The following CCDC85C variants were observed in gnomAD, a reference collection of about 807,000 sequenced individuals.
CCDC85C encodes the protein coiled-coil domain containing 85C, also known as coiled-coil domain-containing protein 85C.
CCDC85C carries 18 observed loss-of-function variants against 38.3 expected under a neutral mutation model. The ratio of observed to expected loss-of-function variants is 0.47; its 90% CI spans 0.33 to 0.70. The LOEUF is 0.70. Ranked by LOEUF, CCDC85C falls within the 30% of genes least tolerant of loss-of-function variation. The pLI, the probability that CCDC85C is intolerant of heterozygous loss-of-function variation, is 0.03. For missense variants in CCDC85C, 566 were observed against 621.2 expected (o/e 0.91, Z 0.94); for synonymous variants, 264 against 293.8 (o/e 0.90, Z 1.04).
At chr14:99,600,889 G>A (rs1281462916) in intron 1 of CCDC85C, among the ~76,000 whole-genome samples, 1 of 152,214 alleles carries the variant, frequency 6.6e-6, no homozygotes, top group Non-Finnish European at 1.5e-5. Flanking sequence ...ACCAGGTGAG[G>A]TGGCTCATGG....
intron 1 of CCDC85C, among the ~76,000 whole-genome samples, chr14:99,555,429 A>G (rs1012863711): frequency 2.0e-5 from 3 of 152,222 alleles, no homozygotes; most frequent in African/African-American, 4.8e-5. Context: ...CCTGCCCCAC[A>G]GCTGTCCTAT....
rs955482088 is a variant in CCDC85C at position 99,503,171 on chromosome 14, C to T, written c.*12075G>A. On this transcript the variant is annotated 3_prime_UTR_variant, in exon 6 of 6. Transcript: ENST00000380243. The stretch of plus-strand genomic sequence containing the variant: ...AAGGTGCTCCAAGGACAGGCTGCCT[C>T]TGAGAACCAGGAGGGGGCTCTCTGC... 5.4e-6 allele frequency: 4 copies of T among 741,876 alleles called. No homozygotes were observed. The African/African-American group carries it at 6.9e-5, about 13-fold the overall frequency. 46.0% of individuals were successfully genotyped at this position (741,876 alleles called of 1,614,324 possible).
In CCDC85C at chr14:99,603,788, G is replaced by A; in HGVS notation, c.172C>T (p.Arg58Trp). The A allele has an allele frequency of 1.3e-6, 2 of 1,525,922 alleles. No homozygotes were observed. The highest frequency in any genetic ancestry group is 1.7e-4 in the Middle Eastern group (1 of 5,830). 94.5% of individuals were successfully genotyped at this position (1,525,922 alleles called of 1,614,324 possible). Residue 58 changes from arginine to tryptophan, a missense_variant, in exon 1 of 6, where the codon CGG (arginine) becomes TGG (tryptophan). Arg to Trp is a moderately radical substitution (Grantham distance 101). Coordinates refer to ENST00000380243, the MANE Select transcript of CCDC85C (RefSeq NM_001144995.2). This position sits in a 1 kb window ranked among gnomAD's most constrained non-coding sequence, Gnocchi z 7.5. Reference protein sequence around the residue: ...EHGGLMRDVNRRLQQHLLEIR... With the variant: ...EHGGLMRDVNWRLQQHLLEIR... The stretch of plus-strand genomic sequence containing the variant: ...TCCAGCAGGTGCTGCTGCAGCCGCC[G>A]GTTCACGTCGCGCATCAGGCCGCCG...
At position 99,572,786 on chromosome 14, in the gene CCDC85C, T is replaced by C. The variant is rs1433485986; in HGVS notation, c.793+30381A>G. On this transcript the variant is annotated intron_variant, in intron 1 of 5. Transcript: ENST00000380243. This position sits in a 1 kb window ranked among gnomAD's most constrained non-coding sequence, Gnocchi z 4.4. ...TTATCCATCTTCCAAAGGAGACTTCTGTCTGTCTTGCTTCATGGAAGTATC... is the reference window on the plus strand; with the variant it reads ...TTATCCATCTTCCAAAGGAGACTTCCGTCTGTCTTGCTTCATGGAAGTATC... The C allele has an allele frequency of 6.6e-6, 3 of 456,030 alleles. No individual in the cohort carries two copies. Among genetic ancestry groups the C allele is most frequent in the Non-Finnish European group, 1.3e-5 (3 of 226,818 alleles). The allele number at this position is 456,030 out of a possible 1,614,324, so 28.2% of individuals were successfully genotyped here.
chr14:99,522,227 C>G lies in CCDC85C; in HGVS notation c.881G>C (p.Gly294Ala). ...DKLLAQQAGSGEFRTLRKGFS... is the reference protein window; with the variant it reads ...DKLLAQQAGSAEFRTLRKGFS... ...GCCTTTCCGCAGCGTGCGGAACTCT[C>G]CGGAGCCTGCCTGCTGCAGGGGAGA... The change falls in exon 3 of 6, where the codon GGA (glycine) becomes GCA (alanine). Residue 294 changes from glycine (G) to alanine (A), a missense_variant. This residue lies in a region of CCDC85C where 286 missense variants were observed against 276.4 expected (regional missense o/e 1.03). Coordinates refer to ENST00000380243, the MANE Select transcript of CCDC85C (RefSeq NM_001144995.2). 6.5e-7 allele frequency: 1 copy of G among 1,548,838 alleles called. No homozygotes were observed. The highest frequency in any genetic ancestry group is 8.7e-7 in the Non-Finnish European group (1 of 1,146,548).
At position 99,572,891 on chromosome 14, in the gene CCDC85C, G is replaced by A. The variant is rs1400813898; in HGVS notation, c.793+30276C>T. ...GGAAGGAATGTCTGCCCAAGTCCCA[G>A]GCAGGGTGGGAGGCACGGACCTGAG... On this transcript the variant is annotated intron_variant, in intron 1 of 5. Coordinates refer to ENST00000380243, the MANE Select transcript of CCDC85C (RefSeq NM_001144995.2). The surrounding 1 kb of genome is among the most constrained non-coding windows in gnomAD (Gnocchi z 4.4). 2.2e-6 allele frequency: 1 copy of A among 451,354 alleles called. No homozygotes were observed. The highest frequency in any genetic ancestry group is 4.5e-6 in the Non-Finnish European group (1 of 223,778). 28.0% of individuals were successfully genotyped at this position (451,354 alleles called of 1,614,324 possible).
At chr14:99,540,991 T>A (rs1897701834) in intron 1 of CCDC85C, among the ~76,000 whole-genome samples, 2 of 152,078 alleles carry the variant, frequency 1.3e-5, no homozygotes, top group Non-Finnish European at 2.9e-5. Flanking sequence ...GTATTCCCCC[T>A]CCTGGCCTGG....
In CCDC85C at chr14:99,604,006, G is replaced by T. The variant is rs1243755029; in HGVS notation, c.-47C>A. 1.7e-6 allele frequency: 2 copies of T among 1,177,016 alleles called. No homozygotes were observed. The highest frequency in any genetic ancestry group is 9.4e-5 in the Admixed American group (2 of 21,238). 72.9% of individuals were successfully genotyped at this position (1,177,016 alleles called of 1,614,324 possible). A position where few individuals can be genotyped will look rare whatever the true frequency, so the allele number is the denominator to read the frequency against. On this transcript the variant is annotated 5_prime_UTR_variant, in exon 1 of 6. Transcript: ENST00000380243. ...TCGCCCTCGCCCTCGCCCGGCCGGC[G>T]CTTCCCCGCGCCGGGGCTCCGCTGG...
intron 1 of CCDC85C, among the ~76,000 whole-genome samples, chr14:99,599,765 C>T (rs1213702465): frequency 6.6e-6 from 1 of 152,102 alleles, no homozygotes; most frequent in East Asian, 1.9e-4. Flanking sequence ...TAGCACACAT[C>T]CCAGGAGGCC....
chr14:99,534,674 C>A (rs770175642), intron 2 of CCDC85C: 13 of 702,400 alleles, frequency 1.9e-5, no homozygotes, highest in South Asian at 1.6e-4. Context: ...CTTCCACACA[C>A]CCTCCTTAGC....
At position 99,500,965 on chromosome 14, in the gene CCDC85C, C is replaced by A; in HGVS notation, c.*14281G>T. 1 of 807,308 alleles carries A rather than the reference C, an allele frequency of 1.2e-6. No homozygotes were observed. The highest frequency in any genetic ancestry group is 2.0e-6 in the Non-Finnish European group (1 of 493,412). The allele number at this position is 807,308 out of a possible 1,614,324, so 50.0% of individuals were successfully genotyped here. On this transcript the variant is annotated 3_prime_UTR_variant, in exon 6 of 6. Transcript: ENST00000380243. ...AATTACGCTTCTCAAAAGCGGAAAA[C>A]AAAGTTTGATGTGTGAAATACCAAG...
rs1392594371 is a variant in CCDC85C at position 99,603,492 on chromosome 14, C to T, written c.468G>A (p.Ala156=). 1.5e-6 allele frequency: 2 copies of T among 1,311,740 alleles called. No homozygotes were observed. Among genetic ancestry groups the T allele is most frequent in the Middle Eastern group, 2.7e-4 (1 of 3,702 alleles). 81.3% of individuals were successfully genotyped at this position (1,311,740 alleles called of 1,614,324 possible). Residue 156 remains alanine (A), a synonymous_variant, in exon 1 of 6, where the codon GCG becomes GCA. Transcript: ENST00000380243. This position sits in a 1 kb window ranked among gnomAD's most constrained non-coding sequence, Gnocchi z 7.5. ...ELVLLLDEER[A]ALAATGAASG... ...TTGCGGCCCCCGTCGCCGCCAGTGC[C>T]GCGCGCTCCTCGTCCAGCAGCAGCA...
Position 99,503,191 on chromosome 14 carries a change from C to G in CCDC85C, c.*12055G>C. The G allele has an allele frequency of 7.1e-6, 5 of 707,492 alleles. No individual in the cohort carries two copies. Among genetic ancestry groups the G allele is most frequent in the Non-Finnish European group, 1.0e-5 (4 of 393,650 alleles). The allele number at this position is 707,492 out of a possible 1,614,324, so 43.8% of individuals were successfully genotyped here. On this transcript the variant is annotated 3_prime_UTR_variant, in exon 6 of 6. Transcript: ENST00000380243. ...TGCCTCTGAGAACCAGGAGGGGGCT[C>G]TCTGCCCGGCTCCAGCCCTGCTGCC...
rs1321147401 is a variant in CCDC85C at position 99,536,366 on chromosome 14, G to A, written c.794-278C>T. On this transcript the variant is annotated intron_variant, in intron 1 of 5. Coordinates refer to ENST00000380243, the MANE Select transcript of CCDC85C (RefSeq NM_001144995.2). The stretch of plus-strand genomic sequence containing the variant: ...GCTGCTGCCCTCGCTGTGGGCCTCT[G>A]AGCCCTTCTCAGGACCTTCAGGACC... Among the ~76,000 whole-genome samples, 3 of 152,216 alleles carry A rather than the reference G, an allele frequency of 2.0e-5. No homozygotes were observed. The East Asian group carries it at 5.8e-4, about 29-fold the overall frequency.
At position 99,603,841 on chromosome 14, in the gene CCDC85C, C is replaced by A. The variant is rs532161116; in HGVS notation, c.119G>T (p.Gly40Val). The A allele has an allele frequency of 2.6e-6, 4 of 1,518,692 alleles. No homozygotes were observed. The highest frequency in any genetic ancestry group is 8.8e-7 in the Non-Finnish European group (1 of 1,139,474). 94.1% of individuals were successfully genotyped at this position (1,518,692 alleles called of 1,614,324 possible). The change falls in exon 1 of 6, where the codon GGC becomes GTC. Residue 40 changes from glycine (G) to valine (V), a missense_variant. Physicochemically the swap from Gly to Val is moderately radical, Grantham distance 109. Around this residue, in one of 3 missense-constraint regions of CCDC85C, gnomAD observed 269 missense variants for 308.2 expected, o/e 0.87. Coordinates refer to ENST00000380243, the MANE Select transcript of CCDC85C (RefSeq NM_001144995.2). The surrounding 1 kb of genome is among the most constrained non-coding windows in gnomAD (Gnocchi z 7.5). ...CTCCAGCATGAGGCCCACCTTCTCG[C>A]CCTCGGCGCGCCGCAGCCGCCGCGC... is the stretch of plus-strand genomic sequence containing the variant. ...ELARRLRRAE[G>V]EKVGLMLEHG...
Position 99,509,124 on chromosome 14 carries a change from C to T in CCDC85C, c.*6122G>A, listed in dbSNP as rs968283503. 6 of 152,204 alleles carry T rather than the reference C, an allele frequency of 3.9e-5. No individual in the cohort carries two copies. The highest frequency in any genetic ancestry group is 2.9e-5 in the Non-Finnish European group (2 of 68,030). The allele number at this position is 152,204 out of a possible 1,614,324, so 9.4% of individuals were successfully genotyped here. On this transcript the variant is annotated 3_prime_UTR_variant, in exon 6 of 6. Transcript: ENST00000380243. ...GTTGTGTGCCAATGGCCACGTCTACCCAACCAGGATGTCGTGCTGTGCCTT... is the reference window on the plus strand; with the variant it reads ...GTTGTGTGCCAATGGCCACGTCTACTCAACCAGGATGTCGTGCTGTGCCTT...
chr14:99,519,047 C>G (rs1459069950), intron 3 of CCDC85C, among the ~76,000 whole-genome samples: 1 of 149,264 alleles, frequency 6.7e-6, no homozygotes, highest in Non-Finnish European at 1.5e-5. Flanking sequence ...CCCACTGAGT[C>G]CTTGCCACAC....
At chr14:99,579,252 C>T (rs570299408) in intron 1 of CCDC85C, among the ~76,000 whole-genome samples, 3 of 152,382 alleles carry the variant, frequency 2.0e-5, no homozygotes, top group Admixed American at 2.0e-4. Flanking sequence ...AGCCTTGGTG[C>T]CAAACAAGCC....
At chr14:99,590,025 G>A (rs529642120) in intron 1 of CCDC85C, among the ~76,000 whole-genome samples, 2 of 152,202 alleles carry the variant, frequency 1.3e-5, no homozygotes, top group Non-Finnish European at 2.9e-5. Context: ...CCAGGGTTTC[G>A]CACAACATTT....
Sources: gnomAD v4.1 joint callset for allele counts (sites outside exome capture counted in the v4.1 genomes callset) on GRCh38, gnomAD v4.1.1 for gene constraint, gnomAD v4.1.1 regional missense constraint, Gnocchi (gnomAD v3.1) non-coding constraint, MANE v1.5 for transcripts, NCBI Gene and HGNC (gene_info 2026-07-23, HGNC 2026-07-21) for gene names.